The following CRLF3 variants were observed in gnomAD, a reference collection of about 807,000 sequenced individuals.
The protein encoded by CRLF3 is cytokine receptor-like factor 3.
Under a neutral mutation model 55.0 loss-of-function variants are expected in CRLF3, and 33 were observed. That is an observed-to-expected ratio of 0.60 (90% CI 0.46 to 0.80). The LOEUF (loss-of-function observed/expected upper bound fraction) is 0.80, where lower values mean the gene tolerates loss of function less well. Ranked by LOEUF, CRLF3 falls within the 30% of genes least tolerant of loss-of-function variation. The probability of loss-of-function intolerance (pLI) is 0.00; values close to 1 mark genes in which losing one functional copy is unlikely to be tolerated. For missense variants in CRLF3, 494 were observed against 538.4 expected, an observed-to-expected ratio of 0.92 and a Z score of 0.82; for synonymous variants, 238 against 196.8, an observed-to-expected ratio of 1.21 and a Z score of -1.75.
At chr17:30,822,977 A>G (rs749199844) in intron 1 of CRLF3, among the ~76,000 whole-genome samples, 93 of 152,338 alleles carry the variant, frequency 6.1e-4, no homozygotes, top group Middle Eastern at 3.4e-3. Context: ...AGTATTCACC[A>G]AATCAGCATA....
chr17:30,818,679 C>T lies in CRLF3; in HGVS notation c.129+5844G>A, dbSNP rs140127662. 5.4e-3 allele frequency among the ~76,000 whole-genome samples: 827 copies of T among 151,960 alleles called. 8 individuals are homozygous for T. The highest frequency in any genetic ancestry group is 0.019 in the African/African-American group (797 of 41,472). ...GTATGGGTCAGGCTTGTCTCAAACTCCTGACCTCAGGTGATCCGCCCGCCT... is the reference window on the plus strand; with the variant it reads ...GTATGGGTCAGGCTTGTCTCAAACTTCTGACCTCAGGTGATCCGCCCGCCT... On this transcript the variant is annotated intron_variant, in intron 1 of 7. Coordinates refer to ENST00000324238, the MANE Select transcript of CRLF3 (RefSeq NM_015986.4).
chr17:30,810,350 G>T (rs750887713), intron 1 of CRLF3, among the ~76,000 whole-genome samples: 8 of 152,064 alleles, frequency 5.3e-5, no homozygotes, highest in Non-Finnish European at 7.4e-5. Flanking sequence ...ACAAGATCAG[G>T]TGGTCAGGAG....
intron 3 of CRLF3, among the ~76,000 whole-genome samples, chr17:30,797,021 C>A (rs1971928479): frequency 6.6e-6 from 1 of 152,188 alleles, no homozygotes; most frequent in East Asian, 1.9e-4. Flanking sequence ...GTCTCAGCCT[C>A]CCCAAGTAGC....
chr17:30,806,501 G>C (rs1384609117), intron 1 of CRLF3, among the ~76,000 whole-genome samples: 2 of 152,052 alleles, frequency 1.3e-5, no homozygotes. Context: ...TTTTTTCCAA[G>C]CACACCTGTG....
In CRLF3 at chr17:30,784,082, C is replaced by G; in HGVS notation, c.*105G>C. The G allele has an allele frequency of 2.0e-6, 2 of 1,010,144 alleles. No individual in the cohort carries two copies. The highest frequency in any genetic ancestry group is 1.5e-6 in the Non-Finnish European group (1 of 686,020). The allele number at this position is 1,010,144 out of a possible 1,614,324, so 62.6% of individuals were successfully genotyped here. On this transcript the variant is annotated 3_prime_UTR_variant, in exon 8 of 8. Transcript: ENST00000324238. Reference sequence around the variant, plus strand: ...AATCCAGTAAACACTTTCCAATGGCCTAAGTTAGAGATGAATTCAACTTTT... The same window carrying G: ...AATCCAGTAAACACTTTCCAATGGCGTAAGTTAGAGATGAATTCAACTTTT...
At chr17:30,823,086 C>A (rs1905042524) in intron 1 of CRLF3, among the ~76,000 whole-genome samples, 1 of 150,560 alleles carries the variant, frequency 6.6e-6, no homozygotes, top group South Asian at 2.2e-4. Context: ...AAAACCCGGC[C>A]GGGCGCGGTG....
At chr17:30,814,857 C>T (rs927614811) in intron 1 of CRLF3, among the ~76,000 whole-genome samples, 4 of 151,276 alleles carry the variant, frequency 2.6e-5, no homozygotes, top group South Asian at 2.1e-4. Flanking sequence ...CAAAATTAGC[C>T]GGGTGTGGTG....
In CRLF3 at chr17:30,804,106, G is replaced by T. The variant is rs1404301043; in HGVS notation, c.132C>A (p.Ile44=). The part of the protein sequence containing the change: ...LEGLREARRQ[I]KESASQTRDV... ...CCCTTGTCTGTGATGCACTTTCTTT[G>T]ATCTAAAAAGAAATAACAAAATACT... is the stretch of plus-strand genomic sequence containing the variant. Residue 44 remains isoleucine, a splice_region_variant and synonymous_variant, in exon 2 of 8, where the codon ATC becomes ATA. Coordinates refer to ENST00000324238, the MANE Select transcript of CRLF3 (RefSeq NM_015986.4). 3 of 1,601,734 alleles carry T rather than the reference G, an allele frequency of 1.9e-6. No individual in the cohort carries two copies. The highest frequency in any genetic ancestry group is 2.6e-6 in the Non-Finnish European group (3 of 1,170,400).
At chr17:30,788,486 C>T (rs1030687883) in intron 6 of CRLF3, among the ~76,000 whole-genome samples, 1 of 151,390 alleles carries the variant, frequency 6.6e-6, no homozygotes, top group African/African-American at 2.4e-5. Flanking sequence ...GAGAGTGGGT[C>T]TAGAGACTGT....
chr17:30,812,186 CAT>C (rs1484794589), intron 1 of CRLF3, among the ~76,000 whole-genome samples: 1 of 151,928 alleles, frequency 6.6e-6, no homozygotes, highest in Non-Finnish European at 1.5e-5. Flanking sequence ...CGCTAATCAA[CAT>C]ATTTTTTCTC....
intron 1 of CRLF3, among the ~76,000 whole-genome samples, chr17:30,814,088 C>T (rs1421604066): frequency 1.3e-5 from 2 of 151,998 alleles, no homozygotes; most frequent in African/African-American, 2.4e-5. Flanking sequence ...GAAACCTCGT[C>T]TCTATTAAAA....
chr17:30,784,030 C>A lies in CRLF3; in HGVS notation c.*157G>T, dbSNP rs1192180992. The A allele has an allele frequency of 1.6e-6, 1 of 638,612 alleles. No homozygotes were observed. The highest frequency in any genetic ancestry group is 2.7e-6 in the Non-Finnish European group (1 of 374,884). The allele number at this position is 638,612 out of a possible 1,614,324, so 39.6% of individuals were successfully genotyped here. On this transcript the variant is annotated 3_prime_UTR_variant, in exon 8 of 8. Coordinates refer to ENST00000324238, the MANE Select transcript of CRLF3 (RefSeq NM_015986.4). ...ATGATTTTGTCCACAACATTGAAGTCTCTTTTTGCTAAAATATTACAAAAT... is the reference window on the plus strand; with the variant it reads ...ATGATTTTGTCCACAACATTGAAGTATCTTTTTGCTAAAATATTACAAAAT...
intron 1 of CRLF3, among the ~76,000 whole-genome samples, chr17:30,810,467 C>A (rs890503154): frequency 9.2e-5 from 14 of 151,978 alleles, no homozygotes; most frequent in Non-Finnish European, 2.1e-4. Flanking sequence ...TGGGCTGAGG[C>A]AGGAGAATCA....
At chr17:30,798,971 T>C (rs1230841699) in intron 2 of CRLF3, among the ~76,000 whole-genome samples, 2 of 152,078 alleles carry the variant, frequency 1.3e-5, no homozygotes, top group African/African-American at 2.4e-5. Flanking sequence ...GTATAATAAT[T>C]TTTTTTAATT....
At chr17:30,817,673 C>A (rs562157174) in intron 1 of CRLF3, among the ~76,000 whole-genome samples, 1 of 151,576 alleles carries the variant, frequency 6.6e-6, no homozygotes, top group East Asian at 1.9e-4. Flanking sequence ...TTTGGGAGGC[C>A]GAGGAAGGTG....
At chr17:30,813,909 C>T (rs562951236) in intron 1 of CRLF3, among the ~76,000 whole-genome samples, 15 of 152,076 alleles carry the variant, frequency 9.9e-5, no homozygotes, top group East Asian at 7.7e-4. Context: ...ACAGCTAATA[C>T]GAACAACTAA....
chr17:30,821,517 A>G (rs527328679), intron 1 of CRLF3, among the ~76,000 whole-genome samples: 20 of 152,354 alleles, frequency 1.3e-4, no homozygotes, highest in African/African-American at 4.8e-4. Flanking sequence ...AATAGTCAAA[A>G]GTGGAAATAA....
intron 6 of CRLF3, 88 bp from the exon 7 acceptor site, chr17:30,786,119 TCAC>T: frequency 1.3e-6 from 1 of 746,460 alleles, no homozygotes; most frequent in East Asian, 2.5e-5. Context: ...AAGAGCAATC[TCAC>T]CACAATTGTT....
chr17:30,796,009 C>T (rs1265953054), intron 4 of CRLF3, 151 bp downstream of exon 4: 2 of 460,948 alleles, frequency 4.3e-6, no homozygotes, highest in African/African-American at 2.0e-5. Flanking sequence ...CCTCAGTGTT[C>T]CATGTGACTT....
Sources: gnomAD v4.1 joint callset for allele counts (sites outside exome capture counted in the v4.1 genomes callset) on GRCh38, gnomAD v4.1.1 for gene constraint, MANE v1.5 for transcripts, NCBI Gene and HGNC (gene_info 2026-07-23, HGNC 2026-07-21) for gene names.